TOX3: variants seen among roughly 807,000 people sequenced by gnomAD.
TOX3 encodes CAG trinucleotide repeat-containing gene F9 protein.
A neutral mutation model predicts 64.3 loss-of-function variants in TOX3; 22 were observed. That is an observed-to-expected ratio of 0.34 (90% CI 0.24 to 0.49). The LOEUF is 0.49. Among genes scored for constraint, TOX3 ranks in the 20% least tolerant of loss-of-function variants. The pLI, the probability that TOX3 is intolerant of heterozygous loss-of-function variation, is 0.99. For synonymous variants in TOX3, 291 were observed against 273.6 expected, an observed-to-expected ratio of 1.06 and a Z score of -0.63; for missense variants, 661 against 714.4, an observed-to-expected ratio of 0.93 and a Z score of 0.85.
intron 5 of TOX3, 62 bp downstream of exon 5, chr16:52,445,932 T>C: frequency 6.8e-7 from 1 of 1,462,164 alleles, no homozygotes; most frequent in African/African-American, 1.4e-5. Flanking sequence ...GGAAAAGGTG[T>C]GAGGAATATT....
intron 1 of TOX3, among the ~76,000 whole-genome samples, chr16:52,473,362 TA>T (rs10532665): frequency 3.7e-3 from 535 of 144,894 alleles, no homozygotes; most frequent in African/African-American, 4.4e-3. Flanking sequence ...AACTTAATCC[TA>T]AAAAAAAAAA....
chr16:52,504,769 T>C (rs1175185978), intron 1 of TOX3, among the ~76,000 whole-genome samples: 3 of 152,152 alleles, frequency 2.0e-5, no homozygotes, highest in East Asian at 3.9e-4. Flanking sequence ...TGAGTGGAGA[T>C]GAAAGAAGTC....
At chr16:52,513,585 G>A (rs565220568) in intron 1 of TOX3, among the ~76,000 whole-genome samples, 3 of 152,304 alleles carry the variant, frequency 2.0e-5, no homozygotes, top group Admixed American at 2.0e-4. Context: ...CTGAGTAAAT[G>A]TTAGTTTGCT....
chr16:52,532,649 G>A (rs572068289), intron 1 of TOX3, among the ~76,000 whole-genome samples: 33 of 152,298 alleles, frequency 2.2e-4, no homozygotes, highest in South Asian at 1.0e-3. Flanking sequence ...TTTATCACTC[G>A]CGATAGATAA....
intron 1 of TOX3, among the ~76,000 whole-genome samples, chr16:52,511,733 A>C (rs1210706242): frequency 6.6e-6 from 1 of 152,242 alleles, no homozygotes; most frequent in South Asian, 2.1e-4. Flanking sequence ...AAAAGTAGGA[A>C]TATACCATGA....
At chr16:52,450,653 T>C in intron 3 of TOX3, 107 bp from the exon 4 acceptor site, 5 of 1,400,316 alleles carry the variant, frequency 3.6e-6, no homozygotes, top group Middle Eastern at 2.5e-4. Flanking sequence ...GCAATGTTGA[T>C]AGGTCTGACC....
At chr16:52,441,947 A>G (rs533280133) in intron 6 of TOX3, among the ~76,000 whole-genome samples, 1 of 152,328 alleles carries the variant, frequency 6.6e-6, no homozygotes, top group African/African-American at 2.4e-5. Flanking sequence ...AAACCATTAA[A>G]TCACCCATAA....
At chr16:52,477,202 G>A (rs1319616918) in intron 1 of TOX3, among the ~76,000 whole-genome samples, 1 of 152,170 alleles carries the variant, frequency 6.6e-6, no homozygotes, top group Non-Finnish European at 1.5e-5. Flanking sequence ...TACACAGGCT[G>A]TGTTCAAAGA....
At chr16:52,509,762 C>T (rs1962253443) in intron 1 of TOX3, among the ~76,000 whole-genome samples, 1 of 152,162 alleles carries the variant, frequency 6.6e-6, no homozygotes, top group African/African-American at 2.4e-5. Context: ...TAAACACATT[C>T]ATTGCTAGGT....
chr16:52,492,386 C>T (rs1312583901), intron 1 of TOX3, among the ~76,000 whole-genome samples: 1 of 138,516 alleles, frequency 7.2e-6, no homozygotes, highest in Non-Finnish European at 1.5e-5. Flanking sequence ...TCCATCCCAT[C>T]ATCAACAATT....
intron 2 of TOX3, among the ~76,000 whole-genome samples, chr16:52,464,841 T>G (rs529141512): frequency 6.6e-6 from 1 of 152,056 alleles, no homozygotes; most frequent in South Asian, 2.1e-4. Flanking sequence ...ACATGAACAT[T>G]TTAATATGTA....
rs929782508 is a variant in TOX3, at chr16:52,438,048, T to C, written c.*1177A>G. The stretch of plus-strand genomic sequence containing the variant: ...TTTATTTGAAAAGTGAACAGTTTCT[T>C]TGTTGTTGCATCAAAATACAGTCCA... On this transcript the variant is annotated 3_prime_UTR_variant, in exon 7 of 7. Transcript: ENST00000219746. 1.3e-5 allele frequency: 2 copies of C among 152,676 alleles called. No homozygotes were observed. The highest frequency in any genetic ancestry group is 4.8e-5 in the African/African-American group (2 of 41,472). The allele number at this position is 152,676 out of a possible 1,614,324, so 9.5% of individuals were successfully genotyped here.
intron 1 of TOX3, among the ~76,000 whole-genome samples, chr16:52,492,536 T>A (rs1300791374): frequency 7.7e-6 from 1 of 129,540 alleles, no homozygotes; most frequent in Non-Finnish European, 1.6e-5. Flanking sequence ...AAATGACCAA[T>A]AACACAACAC....
At chr16:52,540,166 G>A (rs1029210902) in intron 1 of TOX3, among the ~76,000 whole-genome samples, 6 of 151,872 alleles carry the variant, frequency 4.0e-5, no homozygotes, top group Admixed American at 2.0e-4. Flanking sequence ...GATCACTGGC[G>A]GCCAAGAGTT....
intron 1 of TOX3, among the ~76,000 whole-genome samples, chr16:52,517,617 T>C (rs758706594): frequency 2.2e-4 from 34 of 152,100 alleles, no homozygotes; most frequent in Non-Finnish European, 4.4e-4. Context: ...GTAGACTACA[T>C]GCATCTTACC....
intron 3 of TOX3, among the ~76,000 whole-genome samples, chr16:52,453,408 T>C (rs1960417310): frequency 6.6e-6 from 1 of 152,118 alleles, no homozygotes; most frequent in South Asian, 2.1e-4. Flanking sequence ...TGTCTCGAAC[T>C]CCTGACCTCA....
At chr16:52,482,103 A>G (rs1961385882) in intron 1 of TOX3, among the ~76,000 whole-genome samples, 1 of 152,196 alleles carries the variant, frequency 6.6e-6, no homozygotes. Flanking sequence ...ATAACCATAA[A>G]ATAAAATCCC....
intron 1 of TOX3, among the ~76,000 whole-genome samples, chr16:52,484,014 C>T (rs887868889): frequency 6.6e-6 from 1 of 152,088 alleles, no homozygotes; most frequent in Non-Finnish European, 1.5e-5. Flanking sequence ...CTCATACTAG[C>T]CTTGAGAAAT....
intron 1 of TOX3, among the ~76,000 whole-genome samples, chr16:52,490,042 T>C (rs1468474259): frequency 6.6e-6 from 1 of 152,310 alleles, no homozygotes; most frequent in Non-Finnish European, 1.5e-5. Flanking sequence ...TCACGTTGAA[T>C]TGATGACAGG....
Sources: gnomAD v4.1 joint callset for allele counts (sites outside exome capture counted in the v4.1 genomes callset) on GRCh38, gnomAD v4.1.1 for gene constraint, MANE v1.5 for transcripts, NCBI Gene and HGNC (gene_info 2026-07-23, HGNC 2026-07-21) for gene names.